Variants in COX7A2L observed in about 807,000 individuals in gnomAD.
The protein encoded by COX7A2L is cytochrome c oxidase subunit 7A2 like.
In COX7A2L, 18 loss-of-function variants were observed where a neutral mutation model predicts 14.2. The ratio of observed to expected loss-of-function variants is 1.27; its 90% CI spans 0.88 to 1.88. COX7A2L has a LOEUF of 1.88. Ranked by LOEUF, COX7A2L falls within the 40% of genes most tolerant of loss-of-function variation. The probability of loss-of-function intolerance (pLI) is 0.00; values close to 1 mark genes in which losing one functional copy is unlikely to be tolerated. For missense variants in COX7A2L, 179 were observed against 138.8 expected (o/e 1.29, Z -1.46); for synonymous variants, 65 against 57.4 (o/e 1.13, Z -0.60).
chr2:42,368,544 G>C (rs1671210763), intron 1 of COX7A2L, among the ~76,000 whole-genome samples: 1 of 152,188 alleles, frequency 6.6e-6, no homozygotes, highest in Non-Finnish European at 1.5e-5. Context: ...CCAGTGAATT[G>C]AAAGTTCTTG....
chr2:42,361,396 C>G, upstream of COX7A2L: 2 of 482,880 alleles, frequency 4.1e-6, no homozygotes, highest in Non-Finnish European at 7.4e-6. Flanking sequence ...CGCAAAGTCG[C>G]TGTGGCGGAG....
At chr2:42,357,838 A>G (rs1572798181) in intron 1 of COX7A2L, among the ~76,000 whole-genome samples, 1 of 152,120 alleles carries the variant, frequency 6.6e-6, no homozygotes, top group East Asian at 1.9e-4. Flanking sequence ...TTGCTCTGCA[A>G]CTTCCTACTA....
chr2:42,366,393 C>T (rs1671166281), intron 1 of COX7A2L, among the ~76,000 whole-genome samples: 1 of 152,190 alleles, frequency 6.6e-6, no homozygotes, highest in Admixed American at 6.5e-5. Flanking sequence ...CATTGCACTG[C>T]AGCCTGGGTG....
upstream of COX7A2L, among the ~76,000 whole-genome samples, chr2:42,364,250 C>CAAAAAAAAAAAAAAAAAAAAAAAAAAAA (rs35151680): frequency 2.9e-4 from 25 of 85,414 alleles, no homozygotes; most frequent in East Asian, 5.9e-4. Flanking sequence ...GACTCCGTCT[C>CAAAAAAAAAAAAAAAAAAAAAAAAAAAA]AAAAAAAAAA....
chr2:42,358,115 G>A (rs1450756608), intron 1 of COX7A2L, among the ~76,000 whole-genome samples: 1 of 152,142 alleles, frequency 6.6e-6, no homozygotes, highest in African/African-American at 2.4e-5. Context: ...CACCACAAAT[G>A]TAACATGTTT....
intron 2 of COX7A2L, among the ~76,000 whole-genome samples, chr2:42,341,048 C>T (rs1190959731): frequency 6.6e-6 from 1 of 152,016 alleles, no homozygotes; most frequent in Admixed American, 6.6e-5. Context: ...CTTAGAGATT[C>T]TGTCTTGGTT....
rs1670575628 is a variant in COX7A2L at position 42,349,557 on chromosome 2, A to C, written c.*1662T>G. 1.3e-5 allele frequency: 2 copies of C among 152,214 alleles called. No individual in the cohort carries two copies. Among genetic ancestry groups the C allele is most frequent in the Admixed American group, 1.3e-4 (2 of 15,290 alleles). The allele number at this position is 152,214 out of a possible 1,614,324, so 9.4% of individuals were successfully genotyped here. A position where few individuals can be genotyped will look rare whatever the true frequency, so the allele number is the denominator to read the frequency against. On this transcript the variant is annotated 3_prime_UTR_variant, in exon 3 of 3. Transcript: ENST00000234301. ...TCATGGTGGCTGTACAACTCCAAAT[A>C]CAGTAAAAACCAATGAATTGTACAC...
At chr2:42,352,985 T>A in intron 2 of COX7A2L, 1 of 579,278 alleles carries the variant, frequency 1.7e-6, no homozygotes, top group Non-Finnish European at 3.0e-6. Flanking sequence ...TTCAAAACCC[T>A]CACACCCTTA....
In COX7A2L at chr2:42,342,760, T is replaced by A. The variant is rs1030386951; in HGVS notation, c.193-8891A>T. Among the ~76,000 whole-genome samples, 5 of 152,060 alleles carry A rather than the reference T, an allele frequency of 3.3e-5. No individual in the cohort carries two copies. The highest frequency in any genetic ancestry group is 1.3e-4 in the Admixed American group (2 of 15,264). On this transcript the variant is annotated intron_variant, in intron 2 of 2. Coordinates refer to the COX7A2L transcript ENST00000468711. The surrounding 1 kb of genome is among the most constrained non-coding windows in gnomAD (Gnocchi z 4.9). ...GTGTCAGAACTCAAGGAAAAAAATA[T>A]GACCTAAAGAATGCTCTTCCTGGCC... is the stretch of plus-strand genomic sequence containing the variant.
Position 42,342,198 on chromosome 2 carries a change from C to A in COX7A2L, c.193-8329G>T, listed in dbSNP as rs1670415496. 6.6e-6 allele frequency among the ~76,000 whole-genome samples: 1 copy of A among 152,150 alleles called. No homozygotes were observed. Among genetic ancestry groups the A allele is most frequent in the African/African-American group, 2.4e-5 (1 of 41,444 alleles). ...TGAGCTCAGGGCTCCACACTCACAACTGAAGCCTAAGCCTGGTACAGCTGG... is the reference window on the plus strand; with the variant it reads ...TGAGCTCAGGGCTCCACACTCACAAATGAAGCCTAAGCCTGGTACAGCTGG... On this transcript the variant is annotated intron_variant, in intron 2 of 2. Coordinates refer to the COX7A2L transcript ENST00000468711. This position sits in a 1 kb window ranked among gnomAD's most constrained non-coding sequence, Gnocchi z 4.9.
In COX7A2L at chr2:42,338,677, G is replaced by T. The variant is rs1670338374; in HGVS notation, c.193-4808C>A. 6.6e-6 allele frequency among the ~76,000 whole-genome samples: 1 copy of T among 152,148 alleles called. No homozygotes were observed. Among genetic ancestry groups the T allele is most frequent in the Admixed American group, 6.5e-5 (1 of 15,280 alleles). On this transcript the variant is annotated intron_variant, in intron 2 of 2. Transcript: ENST00000468711. This position sits in a 1 kb window ranked among gnomAD's most constrained non-coding sequence, Gnocchi z 4.4. ...CCCCACCTGGCGGTCAGCCTGTCGA[G>T]GGGCCAGTGAGGAATCTGACAGCAG... is the stretch of plus-strand genomic sequence containing the variant.
chr2:42,345,520 T>C (rs1670479171), downstream of COX7A2L, among the ~76,000 whole-genome samples: 1 of 152,066 alleles, frequency 6.6e-6, no homozygotes, highest in South Asian at 2.1e-4. Context: ...TCCTCAATGT[T>C]ACCAATATTT....
chr2:42,349,238 T>G (rs1156489866), downstream of COX7A2L: 4 of 152,144 alleles, frequency 2.6e-5, no homozygotes, highest in Non-Finnish European at 5.9e-5. Context: ...ATAAACAAAA[T>G]GTGGTATACC....
chr2:42,335,741 A>G (rs1670257089), intron 2 of COX7A2L, among the ~76,000 whole-genome samples: 1 of 152,246 alleles, frequency 6.6e-6, no homozygotes, highest in South Asian at 2.1e-4. Flanking sequence ...TGTAGGTTAT[A>G]TGCACTGTAA....
chr2:42,353,418 T>C (rs1670713447), intron 1 of COX7A2L, 75 bp from the exon 2 acceptor site: 1 of 1,569,120 alleles, frequency 6.4e-7, no homozygotes, highest in Non-Finnish European at 8.7e-7. Context: ...GAGGCAGCCA[T>C]TCAACTACGA....
downstream of COX7A2L, among the ~76,000 whole-genome samples, chr2:42,347,254 GT>G (rs1027191497): frequency 2.0e-4 from 30 of 149,986 alleles, no homozygotes; most frequent in African/African-American, 7.3e-4. Context: ...GTAGACAAAG[GT>G]AAAAAGAAAC....
At chr2:42,336,973 C>G (rs561289207) in intron 2 of COX7A2L, among the ~76,000 whole-genome samples, 1 of 152,294 alleles carries the variant, frequency 6.6e-6, no homozygotes, top group East Asian at 1.9e-4. Flanking sequence ...GGAGCATACA[C>G]TCTAGAAAGG....
Position 42,342,750 on chromosome 2 carries a change from GA to G in COX7A2L, c.193-8882del, listed in dbSNP as rs989201845. Among the ~76,000 whole-genome samples, 1 of 152,014 alleles carries G rather than the reference GA, an allele frequency of 6.6e-6. No individual in the cohort carries two copies. Among genetic ancestry groups the G allele is most frequent in the Non-Finnish European group, 1.5e-5 (1 of 67,984 alleles). ...CAGGAGGGCTGTGTCAGAACTCAAG[GA>G]AAAAAATATGACCTAAAGAATGCTC... is the stretch of plus-strand genomic sequence containing the variant. On this transcript the variant is annotated intron_variant, in intron 2 of 2. Transcript: ENST00000468711. The surrounding 1 kb of genome is among the most constrained non-coding windows in gnomAD (Gnocchi z 4.9).
At chr2:42,358,920 G>A (rs905031336) in intron 1 of COX7A2L, among the ~76,000 whole-genome samples, 2 of 152,118 alleles carry the variant, frequency 1.3e-5, no homozygotes, top group South Asian at 2.1e-4. Context: ...TGCCTGAGCC[G>A]GGGAGTTCGA....
Sources: allele counts gnomAD v4.1 joint callset (sites outside exome capture counted in the v4.1 genomes callset), GRCh38; gene constraint gnomAD v4.1.1; non-coding constraint Gnocchi (gnomAD v3.1); transcripts MANE v1.5; gene names NCBI Gene and HGNC (gene_info 2026-07-23, HGNC 2026-07-21).